The following CDH3 variants were observed in gnomAD, a reference collection of about 807,000 sequenced individuals.
The protein encoded by CDH3 is cadherin 3.
Under a neutral mutation model 82.0 loss-of-function variants are expected in CDH3, and 54 were observed. The observed-to-expected ratio is 0.66, with a 90% CI of 0.53 to 0.83. The LOEUF (loss-of-function observed/expected upper bound fraction) is 0.83. Ranked by LOEUF, CDH3 falls within the 40% of genes least tolerant of loss-of-function variation. CDH3 has a pLI of 0.00. For missense variants in CDH3, 1,054 were observed against 1,084.6 expected, an observed-to-expected ratio of 0.97 and a Z score of 0.40; for synonymous variants, 446 against 437.9, an observed-to-expected ratio of 1.02 and a Z score of -0.23.
At chr16:68,679,694 CAAAAAAAAAAAAAAAA>C in intron 6 of CDH3, 89 bp from the exon 7 acceptor site, 2 of 357,704 alleles carry the variant, frequency 5.6e-6, no homozygotes, top group Non-Finnish European at 9.2e-6. Context: ...GACTTCATCT[CAAAAAAAAAAAAAAAA>C]AAAAAAAAGA....
chr16:68,704,767 A>G (rs1961939918), downstream of CDH3, among the ~76,000 whole-genome samples: 1 of 152,196 alleles, frequency 6.6e-6, no homozygotes, highest in Non-Finnish European at 1.5e-5. Flanking sequence ...ATTTAAAGGA[A>G]ATTGCAGCCA....
At position 68,698,740 on chromosome 16, in the gene CDH3, G is replaced by C. The variant is rs1029791291; in HGVS notation, c.*340G>C. The C allele has an allele frequency of 1.4e-5, 4 of 290,276 alleles. No homozygotes were observed. The highest frequency in any genetic ancestry group is 4.4e-5 in the African/African-American group (2 of 45,950). 18.0% of individuals were successfully genotyped at this position (290,276 alleles called of 1,614,324 possible). A position where few individuals can be genotyped will look rare whatever the true frequency, so the allele number is the denominator to read the frequency against. On this transcript the variant is annotated 3_prime_UTR_variant, in exon 16 of 16. Coordinates refer to ENST00000264012, the MANE Select transcript of CDH3 (RefSeq NM_001793.6). ...CTGACCTACAGTGGACTTTCTCTCT[G>C]GAATGGAACCTTCTTAGGCCTCCTG...
At chr16:68,702,010 G>A (rs995912647), downstream of CDH3, among the ~76,000 whole-genome samples, 1 of 151,770 alleles carries the variant, frequency 6.6e-6, no homozygotes, top group Non-Finnish European at 1.5e-5. Context: ...GGCAACAAGA[G>A]TGAAACTCCA....
At chr16:68,680,075 C>T (rs1221862263) in intron 7 of CDH3, 101 bp downstream of exon 7, 2 of 1,190,000 alleles carry the variant, frequency 1.7e-6, no homozygotes, top group East Asian at 2.3e-5. Context: ...AAGCCCAAGG[C>T]AGAACAGTGA....
Position 68,686,917 on chromosome 16 carries a change from G to A in CDH3, c.1571-595G>A, listed in dbSNP as rs146995877. 5.4e-3 allele frequency among the ~76,000 whole-genome samples: 817 copies of A among 152,264 alleles called. 9 individuals carry two copies. Among genetic ancestry groups the A allele is most frequent in the African/African-American group, 0.019 (773 of 41,560 alleles). Reference sequence around the variant, plus strand: ...CAGGAGGTGGTGGTTGCAGTGAGCCGAAATTGTGCCACTGCACTCCAGCCT... The same window carrying A: ...CAGGAGGTGGTGGTTGCAGTGAGCCAAAATTGTGCCACTGCACTCCAGCCT... On this transcript the variant is annotated intron_variant, in intron 11 of 15. Coordinates refer to ENST00000264012, the MANE Select transcript of CDH3 (RefSeq NM_001793.6).
At chr16:68,673,830 C>A (rs1385159758) in intron 2 of CDH3, among the ~76,000 whole-genome samples, 1 of 151,976 alleles carries the variant, frequency 6.6e-6, no homozygotes, top group Non-Finnish European at 1.5e-5. Flanking sequence ...GAGGCTGAGG[C>A]ATGAGAATCG....
chr16:68,683,796 G>A (rs1280671794), intron 9 of CDH3, among the ~76,000 whole-genome samples: 3 of 150,224 alleles, frequency 2.0e-5, no homozygotes, highest in Non-Finnish European at 3.0e-5. Flanking sequence ...GGCCGGGCAC[G>A]ATTGCTCATG....
chr16:68,677,447 C>G (rs757937414), intron 3 of CDH3, among the ~76,000 whole-genome samples: 1 of 152,168 alleles, frequency 6.6e-6, no homozygotes, highest in African/African-American at 2.4e-5. Flanking sequence ...CAGCATAAAT[C>G]AAAAATCAGG....
intron 9 of CDH3, among the ~76,000 whole-genome samples, chr16:68,683,479 G>A (rs1323109495): frequency 1.3e-5 from 2 of 151,334 alleles, no homozygotes; most frequent in East Asian, 2.0e-4. Context: ...GTGAAACCCC[G>A]TCTCTACTAA....
intron 2 of CDH3, among the ~76,000 whole-genome samples, chr16:68,724,651 G>A (rs556076389): frequency 3.8e-4 from 57 of 151,070 alleles, no homozygotes; most frequent in African/African-American, 1.3e-3. Flanking sequence ...AAATGGTCTC[G>A]AGACCTGTCA....
downstream of CDH3, among the ~76,000 whole-genome samples, chr16:68,728,226 C>T (rs1962239332): frequency 2.0e-5 from 3 of 152,050 alleles, no homozygotes; most frequent in Admixed American, 2.0e-4. Flanking sequence ...AGCGCAGTGG[C>T]ACGATCTCGG....
intron 1 of CDH3, among the ~76,000 whole-genome samples, chr16:68,720,198 G>C (rs1481261403): frequency 6.6e-6 from 1 of 151,002 alleles, no homozygotes; most frequent in Non-Finnish European, 1.5e-5. Context: ...AAACCTCACA[G>C]AACTGAATCC....
the CDH3 span, among the ~76,000 whole-genome samples, chr16:68,733,346 C>T: frequency 6.6e-6 from 1 of 152,054 alleles, no homozygotes; most frequent in South Asian, 2.1e-4. Context: ...TGGTCTCAAA[C>T]TCCTGGGCTC....
chr16:68,698,484 T>G lies in CDH3; in HGVS notation c.*84T>G. On this transcript the variant is annotated 3_prime_UTR_variant, in exon 16 of 16. Coordinates refer to ENST00000264012, the MANE Select transcript of CDH3 (RefSeq NM_001793.6). ...CTCAGTTCCCCCTTCAGCTGAGGAC[T>G]TCGGAGCTTGTCAGGAAGTGGCCGT... 2.3e-6 allele frequency: 3 copies of G among 1,287,236 alleles called. No individual in the cohort carries two copies. Among genetic ancestry groups the G allele is most frequent in the East Asian group, 2.4e-5 (1 of 42,540 alleles). 79.7% of individuals were successfully genotyped at this position (1,287,236 alleles called of 1,614,324 possible).
chr16:68,705,409 T>C lies in CDH3; in HGVS notation c.99+9486T>C, dbSNP rs537163040. On this transcript the variant is annotated intron_variant, in intron 1 of 2. Coordinates refer to the CDH3 transcript ENST00000569080. ...TCGTTTAACAACTTCATTGAGCACC[T>C]GTTCTGTGCAAGACACTGGTTTTTT... Among the ~76,000 whole-genome samples, 23 of 152,122 alleles carry C rather than the reference T, an allele frequency of 1.5e-4. 2 individuals are homozygous for C. The South Asian group carries it at 3.7e-3, about 25-fold the overall frequency.
chr16:68,665,663 C>A (rs1309720500), intron 2 of CDH3, among the ~76,000 whole-genome samples: 1 of 152,156 alleles, frequency 6.6e-6, no homozygotes, highest in Non-Finnish European at 1.5e-5. Flanking sequence ...TCACTGGGAT[C>A]TTTGTTCTGG....
chr16:68,646,183 C>T (rs976563078), intron 2 of CDH3: 14 of 200,210 alleles, frequency 7.0e-5, no homozygotes, highest in South Asian at 1.9e-4. Flanking sequence ...TTTGTGTCTC[C>T]GACAGACAGA....
intron 2 of CDH3, among the ~76,000 whole-genome samples, chr16:68,650,579 G>A (rs1056756562): frequency 6.6e-6 from 1 of 152,234 alleles, no homozygotes; most frequent in Non-Finnish European, 1.5e-5. Flanking sequence ...GGGATTACAG[G>A]TGTGAGCCAC....
In CDH3 at chr16:68,684,429, G is replaced by A. The variant is rs567484996; in HGVS notation, c.1183-154G>A. On this transcript the variant is annotated intron_variant, in intron 9 of 15. Coordinates refer to ENST00000264012, the MANE Select transcript of CDH3 (RefSeq NM_001793.6). ...CATTAGATGTGCACTCAGGAAACAC[G>A]GGAGTGTTTATGTTACAGAGAAAGG... Among the ~76,000 whole-genome samples, 24 of 152,304 alleles carry A rather than the reference G, an allele frequency of 1.6e-4. 1 individual carries two copies. Among genetic ancestry groups the A allele is most frequent in the African/African-American group, 4.8e-4 (20 of 41,566 alleles).
Sources: gnomAD v4.1 joint callset for allele counts (sites outside exome capture counted in the v4.1 genomes callset) on GRCh38, gnomAD v4.1.1 for gene constraint, MANE v1.5 for transcripts, NCBI Gene and HGNC (gene_info 2026-07-23, HGNC 2026-07-21) for gene names.